ITGA9: variants seen among roughly 807,000 people sequenced by gnomAD.
ITGA9 encodes integrin alpha-9.
A neutral mutation model predicts 127.8 loss-of-function variants in ITGA9; 56 were observed. That is an observed-to-expected ratio of 0.44 (90% CI 0.35 to 0.55). The LOEUF is 0.55. ITGA9 is among the 20% of genes least tolerant of loss of function. ITGA9 has a pLI of 0.00. For synonymous variants in ITGA9, 508 were observed against 514.5 expected (o/e 0.99, Z 0.17); for missense variants, 1,196 against 1,347.1 (o/e 0.89, Z 1.76).
At chr3:37,691,980 G>A (rs1161994798) in intron 18 of ITGA9, among the ~76,000 whole-genome samples, 7 of 152,244 alleles carry the variant, frequency 4.6e-5, no homozygotes, top group African/African-American at 1.7e-4. Context: ...GGCAACCAGT[G>A]TGAAATAGAG....
At chr3:37,465,022 C>T (rs1304070327) in intron 1 of ITGA9, among the ~76,000 whole-genome samples, 3 of 152,236 alleles carry the variant, frequency 2.0e-5, no homozygotes, top group Non-Finnish European at 4.4e-5. Context: ...AAACGTGGGT[C>T]CCTGGGGAAG....
chr3:37,646,719 C>T (rs977931171), intron 16 of ITGA9, among the ~76,000 whole-genome samples: 2 of 152,098 alleles, frequency 1.3e-5, no homozygotes, highest in African/African-American at 2.4e-5. Flanking sequence ...AGCTGGGTTC[C>T]GATTTGTCTG....
intron 4 of ITGA9, 107 bp downstream of exon 4, chr3:37,481,714 G>C: frequency 7.0e-7 from 1 of 1,421,008 alleles, no homozygotes; most frequent in Admixed American, 1.7e-5. Context: ...CTTTCCACAT[G>C]CTCATGATAG....
intron 15 of ITGA9, among the ~76,000 whole-genome samples, chr3:37,556,644 A>G (rs1699433767): frequency 6.6e-6 from 1 of 152,222 alleles, no homozygotes. Flanking sequence ...GTGAATTTCT[A>G]GCAAGCTCCC....
At chr3:37,601,018 G>A (rs562498806) in intron 15 of ITGA9, among the ~76,000 whole-genome samples, 5 of 152,338 alleles carry the variant, frequency 3.3e-5, no homozygotes, top group Admixed American at 6.5e-5. Flanking sequence ...CATCAGTCAC[G>A]TGGCTGTGGA....
intron 26 of ITGA9, among the ~76,000 whole-genome samples, chr3:37,793,027 G>A (rs1241044725): frequency 6.6e-6 from 1 of 152,062 alleles, no homozygotes; most frequent in Non-Finnish European, 1.5e-5. Flanking sequence ...TGAACCACAT[G>A]AAAAATGAGC....
At chr3:37,488,348 A>T (rs1054238854) in intron 4 of ITGA9, among the ~76,000 whole-genome samples, 1 of 152,064 alleles carries the variant, frequency 6.6e-6, no homozygotes, top group Non-Finnish European at 1.5e-5. Flanking sequence ...AGAGTAGAGC[A>T]TGACATAATG....
intron 27 of ITGA9, among the ~76,000 whole-genome samples, chr3:37,816,774 G>A (rs1378692532): frequency 1.3e-5 from 2 of 152,198 alleles, no homozygotes; most frequent in African/African-American, 4.8e-5. Flanking sequence ...CTCCAGGGCT[G>A]AAATCACCAG....
intron 5 of ITGA9, among the ~76,000 whole-genome samples, chr3:37,501,958 G>A (rs1425411356): frequency 6.6e-6 from 1 of 152,160 alleles, no homozygotes; most frequent in Non-Finnish European, 1.5e-5. Context: ...CTAGAATTTT[G>A]AAAAATGCAA....
chr3:37,748,455 AAAG>A lies in ITGA9; in HGVS notation c.2434-2003_2434-2001del, dbSNP rs757024043. 7 of 587,386 alleles carry A rather than the reference AAAG, an allele frequency of 1.2e-5. No individual in the cohort carries two copies. The East Asian group carries it at 1.4e-4, about 12-fold the overall frequency. 36.4% of individuals were successfully genotyped at this position (587,386 alleles called of 1,614,324 possible). A position where few individuals can be genotyped will look rare whatever the true frequency, so the allele number is the denominator to read the frequency against. On this transcript the variant is annotated intron_variant, in intron 22 of 27. Transcript: ENST00000264741. Reference sequence around the variant, plus strand: ...AACACGTGAAGGAAAATGATCAGAAAAAGAAGGAAGCTGGCGGCACAGTAGCTC... The same window carrying A: ...AACACGTGAAGGAAAATGATCAGAAAAAGGAAGCTGGCGGCACAGTAGCTC...
At chr3:37,533,972 G>A (rs75631729) in intron 14 of ITGA9, among the ~76,000 whole-genome samples, 2,515 of 152,272 alleles carry the variant, frequency 0.017, 55 homozygotes, top group African/African-American at 0.057. Flanking sequence ...TAAAAGAGGG[G>A]TGCTGCTTTG....
chr3:37,587,767 T>C (rs146277729), intron 15 of ITGA9, among the ~76,000 whole-genome samples: 7 of 152,370 alleles, frequency 4.6e-5, no homozygotes, highest in Non-Finnish European at 7.3e-5. Flanking sequence ...AATTATGTTC[T>C]CCGTTTTATG....
At chr3:37,466,335 T>C (rs1698370180) in intron 1 of ITGA9, among the ~76,000 whole-genome samples, 1 of 151,610 alleles carries the variant, frequency 6.6e-6, no homozygotes, top group Non-Finnish European at 1.5e-5. Flanking sequence ...ATATAAAAAT[T>C]AGCGGGGCGT....
intron 15 of ITGA9, among the ~76,000 whole-genome samples, chr3:37,588,258 T>C (rs1211741181): frequency 4.6e-5 from 7 of 152,230 alleles, no homozygotes; most frequent in Non-Finnish European, 1.0e-4. Flanking sequence ...GAATTTTGAT[T>C]TCTCAGGCCT....
At chr3:37,622,455 A>G (rs1212754880) in intron 15 of ITGA9, among the ~76,000 whole-genome samples, 6 of 152,120 alleles carry the variant, frequency 3.9e-5, no homozygotes, top group African/African-American at 1.4e-4. Flanking sequence ...TTCTCTGGGA[A>G]ATAGGTTCTT....
At chr3:37,585,251 C>G (rs1158854167) in intron 15 of ITGA9, among the ~76,000 whole-genome samples, 1 of 152,116 alleles carries the variant, frequency 6.6e-6, no homozygotes, top group Non-Finnish European at 1.5e-5. Flanking sequence ...TGCTTCTGGC[C>G]AGGACCATCA....
At chr3:37,558,107 G>A (rs1033120070) in intron 15 of ITGA9, among the ~76,000 whole-genome samples, 1 of 152,332 alleles carries the variant, frequency 6.6e-6, no homozygotes, top group Admixed American at 6.5e-5. Context: ...ACGTGTGTCC[G>A]TGCTCTGAGG....
rs373673092 is a variant in ITGA9 at position 37,517,523 on chromosome 3, T to G, written c.1055T>G (p.Leu352Arg). 21 of 1,596,104 alleles carry G rather than the reference T, an allele frequency of 1.3e-5. 1 individual carries two copies. The South Asian group carries it at 2.4e-4, about 18-fold the overall frequency. The change falls in exon 10 of 28, where the codon CTG (leucine) becomes CGG (arginine). Residue 352 changes from leucine (L) to arginine (R), a missense_variant. Coordinates refer to ENST00000264741, the MANE Select transcript of ITGA9 (RefSeq NM_002207.3). The stretch of plus-strand genomic sequence containing the variant: ...TCCCAGGGAGCCCTCGAGGAGCAGC[T>G]GGCTCTGACTGGGGATGGTGCCTAC... ...NRGNGALEEQ[L>R]ALTGDGAYNA...
chr3:37,593,724 G>C (rs1699842679), intron 15 of ITGA9, among the ~76,000 whole-genome samples: 1 of 152,228 alleles, frequency 6.6e-6, no homozygotes, highest in Non-Finnish European at 1.5e-5. Flanking sequence ...ACGGCATCCA[G>C]TGGCGATGTC....
Sources: allele counts gnomAD v4.1 joint callset (sites outside exome capture counted in the v4.1 genomes callset), GRCh38; gene constraint gnomAD v4.1.1; transcripts MANE v1.5; gene names NCBI Gene and HGNC (gene_info 2026-07-23, HGNC 2026-07-21).